Variants in MTHFD1 observed in about 807,000 individuals in gnomAD.
The protein encoded by MTHFD1 is methylenetetrahydrofolate dehydrogenase, cyclohydrolase and formyltetrahydrofolate synthetase 1, also known as C-1-tetrahydrofolate synthase, cytoplasmic.
A neutral mutation model predicts 110.3 loss-of-function variants in MTHFD1; 44 were observed. The ratio of observed to expected loss-of-function variants is 0.40; its 90% confidence interval spans 0.31 to 0.51. The LOEUF (loss-of-function observed/expected upper bound fraction) is 0.51, where lower values mean the gene tolerates loss of function less well. Among genes scored for constraint, MTHFD1 ranks in the 20% least tolerant of loss-of-function variants. The pLI is 0.60. For missense variants in MTHFD1, 909 were observed against 1,173.1 expected (o/e 0.77, Z 3.29); for synonymous variants, 402 against 428.8 (o/e 0.94, Z 0.77).
At chr14:64,406,811 T>A (rs2077939524) in intron 2 of MTHFD1, among the ~76,000 whole-genome samples, 1 of 152,174 alleles carries the variant, frequency 6.6e-6, no homozygotes, top group African/African-American at 2.4e-5. Flanking sequence ...ATATAGAGTG[T>A]CTACAATAAT....
At position 64,424,794 on chromosome 14, in the gene MTHFD1, A is replaced by T. The variant is rs2078106494; in HGVS notation, c.728-10A>T. Reference sequence around the variant, plus strand: ...GAGACTTAGTTTTGATTTCTCCCCCACTTGACCAGATGATAAAAAACCAAA... The same window carrying T: ...GAGACTTAGTTTTGATTTCTCCCCCTCTTGACCAGATGATAAAAAACCAAA... On this transcript the variant is annotated splice_polypyrimidine_tract_variant and intron_variant, in intron 8 of 27. Coordinates refer to ENST00000652337, the MANE Select transcript of MTHFD1 (RefSeq NM_005956.4). The T allele has an allele frequency of 6.2e-7, 1 of 1,613,662 alleles. No individual in the cohort carries two copies. The highest frequency in any genetic ancestry group is 8.5e-7 in the Non-Finnish European group (1 of 1,179,936).
rs529550943 is a variant in MTHFD1, at chr14:64,418,475, TA to T, written c.615+459del. 1.6e-3 allele frequency among the ~76,000 whole-genome samples: 247 copies of T among 150,438 alleles called. 1 individual carries two copies. The highest frequency in any genetic ancestry group is 5.3e-3 in the African/African-American group (217 of 41,186). On this transcript the variant is annotated intron_variant, in intron 7 of 27. Coordinates refer to ENST00000652337, the MANE Select transcript of MTHFD1 (RefSeq NM_005956.4). ...CAAAAAAAAAAAAAAATTAATTAAT[TA>T]AAAAAAACATAAAATTAAAAGCATG... is the stretch of plus-strand genomic sequence containing the variant.
At chr14:64,436,135 C>T (rs1298812377) in intron 16 of MTHFD1, among the ~76,000 whole-genome samples, 1 of 151,950 alleles carries the variant, frequency 6.6e-6, no homozygotes, top group Admixed American at 6.6e-5. Flanking sequence ...CGCTCTGTCG[C>T]CCAGGCTAGA....
intron 3 of MTHFD1, among the ~76,000 whole-genome samples, chr14:64,411,524 A>G (rs1011185388): frequency 6.6e-6 from 1 of 152,236 alleles, no homozygotes; most frequent in East Asian, 1.9e-4. Flanking sequence ...ATTGAAAAGT[A>G]CACGTTTTCA....
chr14:64,419,885 T>A lies in MTHFD1; in HGVS notation c.687T>A (p.Pro229=). The A allele has an allele frequency of 6.2e-7, 1 of 1,614,130 alleles. No homozygotes were observed. The highest frequency in any genetic ancestry group is 8.5e-7 in the Non-Finnish European group (1 of 1,179,976). ...TGGTTAAAGGGGAGTGGATCAAACC[T>A]GGGGCAATAGTCATCGACTGTGGAA... is the stretch of plus-strand genomic sequence containing the variant. ...PEMVKGEWIK[P]GAIVIDCGIN... The change falls in exon 8 of 28, where the codon CCT becomes CCA. Residue 229 remains proline, a synonymous_variant. Transcript: ENST00000652337.
intron 22 of MTHFD1, among the ~76,000 whole-genome samples, chr14:64,447,821 A>G (rs1417639720): frequency 6.6e-6 from 1 of 152,190 alleles, no homozygotes; most frequent in Non-Finnish European, 1.5e-5. Context: ...AGTAGAGTTA[A>G]TTTGTATTAT....
At chr14:64,453,096 A>T (rs865989207) in intron 24 of MTHFD1, among the ~76,000 whole-genome samples, 10 of 151,998 alleles carry the variant, frequency 6.6e-5, no homozygotes, top group African/African-American at 2.4e-4. Flanking sequence ...TGATGTACTT[A>T]GCGAGAGATT....
intron 16 of MTHFD1, among the ~76,000 whole-genome samples, chr14:64,436,935 G>A (rs2078210390): frequency 6.6e-6 from 1 of 152,148 alleles, no homozygotes; most frequent in Non-Finnish European, 1.5e-5. Flanking sequence ...CATGAAACCT[G>A]ATACTTTTTT....
intron 17 of MTHFD1, 173 bp downstream of exon 17, chr14:64,439,345 C>A: frequency 1.6e-6 from 1 of 644,812 alleles, no homozygotes; most frequent in South Asian, 1.7e-5. Flanking sequence ...ACAGCTTTTG[C>A]AATAAATCCC....
At chr14:64,425,220 T>G (rs2078109661) in intron 9 of MTHFD1, among the ~76,000 whole-genome samples, 1 of 150,830 alleles carries the variant, frequency 6.6e-6, no homozygotes, top group African/African-American at 2.4e-5. Context: ...CTTTTTTTTT[T>G]TTTTTTTTTG....
intron 1 of MTHFD1, among the ~76,000 whole-genome samples, chr14:64,397,487 G>T (rs2077867501): frequency 6.6e-6 from 1 of 151,962 alleles, no homozygotes; most frequent in Non-Finnish European, 1.5e-5. Context: ...TGGAGACGGG[G>T]TTTCACCATA....
intron 12 of MTHFD1, among the ~76,000 whole-genome samples, chr14:64,429,261 A>AACATATATATAGATATATATAT (rs11158541): frequency 9.2e-6 from 1 of 108,220 alleles, no homozygotes; most frequent in Non-Finnish European, 2.0e-5. Context: ...TGTCTAAAAA[A>AACATATATATAGATATATATAT]ATATATATCT....
At chr14:64,444,923 G>A in intron 22 of MTHFD1, 189 bp downstream of exon 22, 1 of 644,396 alleles carries the variant, frequency 1.6e-6, no homozygotes, top group Non-Finnish European at 2.8e-6. Context: ...TCACAAAATA[G>A]AATTGTCCCA....
At chr14:64,440,389 T>A in intron 18 of MTHFD1, 123 bp downstream of exon 18, 1 of 1,203,674 alleles carries the variant, frequency 8.3e-7, no homozygotes, top group Non-Finnish European at 1.2e-6. Flanking sequence ...TTCATCAATT[T>A]AATCCTATTT....
chr14:64,435,561 A>G lies in MTHFD1; in HGVS notation c.1495-8A>G. ...TTATTTTATGTTTTCATTTTCCTAC[A>G]CTTTCAGAGACTAGGCATTGAAAAG... On this transcript the variant is annotated splice_region_variant and splice_polypyrimidine_tract_variant and intron_variant, in intron 15 of 27. Transcript: ENST00000652337. The G allele has an allele frequency of 1.3e-6, 2 of 1,540,918 alleles. No individual in the cohort carries two copies. Among genetic ancestry groups the G allele is most frequent in the South Asian group, 1.1e-5 (1 of 89,544 alleles).
At position 64,417,980 on chromosome 14, in the gene MTHFD1, A is replaced by G. The variant is rs748349816; in HGVS notation, c.571A>G (p.Thr191Ala). The G allele has an allele frequency of 1.2e-6, 2 of 1,614,072 alleles. No homozygotes were observed. The highest frequency in any genetic ancestry group is 1.1e-5 in the South Asian group (1 of 91,080). ...TGACTTGCTTCTGTGGAACAATGCCACAGTGACCACCTGCCACTCCAAGAC... is the reference window on the plus strand; with the variant it reads ...TGACTTGCTTCTGTGGAACAATGCCGCAGTGACCACCTGCCACTCCAAGAC... ...MHDLLLWNNA[T>A]VTTCHSKTAH... Residue 191 changes from threonine (T) to alanine (A), a missense_variant, in exon 7 of 28, where the codon ACA becomes GCA. By Grantham distance (58) the Thr-to-Ala change is moderately conservative (BLOSUM62 0). Coordinates refer to ENST00000652337, the MANE Select transcript of MTHFD1 (RefSeq NM_005956.4). This position sits in a 1 kb window ranked among gnomAD's most constrained non-coding sequence, Gnocchi z 4.4.
rs568267898 is a variant in MTHFD1 at position 64,435,578 on chromosome 14, A to T, written c.1504A>T (p.Ile502Phe). The stretch of plus-strand genomic sequence containing the variant: ...TTTCCTACACTTTCAGAGACTAGGC[A>T]TTGAAAAGACTGACCCTACCACACT... ...IQIRRLKRLG[I>F]EKTDPTTLTD... Residue 502 changes from isoleucine (I) to phenylalanine (F), a missense_variant, in exon 16 of 28, where the codon ATT becomes TTT. By Grantham distance (21) the Ile-to-Phe change is conservative. This residue lies in a region of MTHFD1 where 482 missense variants were observed against 646.0 expected (regional missense o/e 0.75). Coordinates refer to ENST00000652337, the MANE Select transcript of MTHFD1 (RefSeq NM_005956.4). The T allele has an allele frequency of 1.3e-4, 200 of 1,592,244 alleles. No homozygotes were observed. Among genetic ancestry groups the T allele is most frequent in the Non-Finnish European group, 1.7e-4 (198 of 1,160,118 alleles).
At chr14:64,456,872 G>A (rs1307555129) in intron 26 of MTHFD1, among the ~76,000 whole-genome samples, 1 of 152,140 alleles carries the variant, frequency 6.6e-6, no homozygotes, top group Non-Finnish European at 1.5e-5. Flanking sequence ...CCTTTTTATA[G>A]TTAAGTTTTA....
Position 64,388,437 on chromosome 14 carries a change from G to C in MTHFD1, c.10G>C (p.Ala4Pro). 6.2e-7 allele frequency: 1 copy of C among 1,614,176 alleles called. No individual in the cohort carries two copies. Among genetic ancestry groups the C allele is most frequent in the Non-Finnish European group, 8.5e-7 (1 of 1,180,042 alleles). ...CGGACTAATAAAGGCCATGGCGCCA[G>C]CAGAAATCCTGAACGGGAAGGAGAT... is the stretch of plus-strand genomic sequence containing the variant. The part of the protein sequence containing the change: MAP[A>P]EILNGKEISA... The change falls in exon 1 of 28, where the codon GCA becomes CCA. Residue 4 changes from alanine to proline, a missense_variant. By Grantham distance (27) the Ala-to-Pro change is conservative. This residue lies in a region of MTHFD1 where 424 missense variants were observed against 510.4 expected (regional missense o/e 0.83). Coordinates refer to ENST00000652337, the MANE Select transcript of MTHFD1 (RefSeq NM_005956.4).
Sources: gnomAD v4.1 joint callset for allele counts (sites outside exome capture counted in the v4.1 genomes callset) on GRCh38, gnomAD v4.1.1 for gene constraint, gnomAD v4.1.1 regional missense constraint, Gnocchi (gnomAD v3.1) non-coding constraint, MANE v1.5 for transcripts, NCBI Gene and HGNC (gene_info 2026-07-23, HGNC 2026-07-21) for gene names.